CRTC1: variants seen among roughly 807,000 people sequenced by gnomAD.
CRTC1 encodes CREB regulated transcription coactivator 1.
In CRTC1, 18 loss-of-function variants were observed where a neutral mutation model predicts 66.1. That is an observed-to-expected ratio of 0.27 (90% confidence interval 0.19 to 0.40). The LOEUF is 0.40. Among genes scored for constraint, CRTC1 ranks in the 10% least tolerant of loss-of-function variants. CRTC1 has a pLI of 1.00. For synonymous variants in CRTC1, 416 were observed against 398.8 expected, an observed-to-expected ratio of 1.04 and a Z score of -0.51; for missense variants, 669 against 887.9, an observed-to-expected ratio of 0.75 and a Z score of 3.13.
At chr19:18,685,039 A>T (rs1341020851) in intron 1 of CRTC1, among the ~76,000 whole-genome samples, 1 of 152,132 alleles carries the variant, frequency 6.6e-6, no homozygotes, top group African/African-American at 2.4e-5. Context: ...GGCTTTGCAG[A>T]TGCTCGTATC....
chr19:18,775,847 G>A (rs1253610264), intron 13 of CRTC1, 26 bp downstream of exon 13: 1 of 1,541,032 alleles, frequency 6.5e-7, no homozygotes, highest in Admixed American at 2.1e-5. Flanking sequence ...GGGCGCGTGT[G>A]CGGCGCCCCA....
At chr19:18,717,157 G>A (rs1350539177) in intron 1 of CRTC1, among the ~76,000 whole-genome samples, 5 of 152,190 alleles carry the variant, frequency 3.3e-5, no homozygotes, top group East Asian at 1.9e-4. Context: ...GGTGACTGGC[G>A]CTGGGCTGGA....
At chr19:18,774,174 C>T (rs879733217) in intron 11 of CRTC1, among the ~76,000 whole-genome samples, 5 of 152,266 alleles carry the variant, frequency 3.3e-5, no homozygotes, top group Non-Finnish European at 5.9e-5. Context: ...ACCCCCTCCT[C>T]GCCTCCACAC....
At chr19:18,731,543 C>T (rs1352018395) in intron 1 of CRTC1, among the ~76,000 whole-genome samples, 2 of 152,164 alleles carry the variant, frequency 1.3e-5, no homozygotes, top group African/African-American at 4.8e-5. Context: ...GGTCACGTTC[C>T]GAGGTTTTGG....
chr19:18,773,538 A>ACACCCAC (rs2054917463), intron 11 of CRTC1, among the ~76,000 whole-genome samples: 1 of 151,974 alleles, frequency 6.6e-6, no homozygotes, highest in Non-Finnish European at 1.5e-5. Flanking sequence ...CCACACCCCG[A>ACACCCAC]GCCCCAGGAC....
At chr19:18,708,582 A>G (rs552741084) in intron 1 of CRTC1, among the ~76,000 whole-genome samples, 2 of 152,274 alleles carry the variant, frequency 1.3e-5, no homozygotes, top group South Asian at 4.1e-4. Context: ...GGGGCATCAC[A>G]GGGAATGTTC....
At chr19:18,731,707 C>T (rs966133167) in intron 1 of CRTC1, among the ~76,000 whole-genome samples, 1 of 152,090 alleles carries the variant, frequency 6.6e-6, no homozygotes. Context: ...GTCCCCAGCC[C>T]GTGAACCCCA....
intron 1 of CRTC1, among the ~76,000 whole-genome samples, chr19:18,722,637 C>T (rs116417399): frequency 6.6e-6 from 1 of 152,346 alleles, no homozygotes; most frequent in African/African-American, 2.4e-5. Context: ...GTTCACATAA[C>T]ATGAAATTAA....
chr19:18,739,858 T>A (rs2054074350), intron 1 of CRTC1, among the ~76,000 whole-genome samples: 1 of 151,472 alleles, frequency 6.6e-6, no homozygotes, highest in African/African-American at 2.4e-5. Flanking sequence ...GACTCAGGAG[T>A]CTCCGTGCCC....
At position 18,778,120 on chromosome 19, in the gene CRTC1, C is replaced by T; in HGVS notation, c.*738C>T. 4.3e-6 allele frequency: 1 copy of T among 232,762 alleles called. No homozygotes were observed. The highest frequency in any genetic ancestry group is 8.5e-6 in the Non-Finnish European group (1 of 117,790). The allele number at this position is 232,762 out of a possible 1,614,324, so 14.4% of individuals were successfully genotyped here. A position where few individuals can be genotyped will look rare whatever the true frequency, so the allele number is the denominator to read the frequency against. The stretch of plus-strand genomic sequence containing the variant: ...GCAGGCCCATCGGTGGCCACCTTTG[C>T]CGGGAAGTGACCGGAAGGCCCCGTG... On this transcript the variant is annotated 3_prime_UTR_variant, in exon 14 of 14. Coordinates refer to ENST00000321949, the MANE Select transcript of CRTC1 (RefSeq NM_015321.3).
rs932467477 is a variant in CRTC1 at position 18,760,729 on chromosome 19, G to A, written c.886+501G>A. On this transcript the variant is annotated intron_variant, in intron 8 of 13. Coordinates refer to ENST00000321949, the MANE Select transcript of CRTC1 (RefSeq NM_015321.3). This position sits in a 1 kb window ranked among gnomAD's most constrained non-coding sequence, Gnocchi z 6.2. ...CACAGGGACGTCGCACAGGCCCCTCGCCCGTCCCAATAGCTCCTGGCGCTG... is the reference window on the plus strand; with the variant it reads ...CACAGGGACGTCGCACAGGCCCCTCACCCGTCCCAATAGCTCCTGGCGCTG... 5.3e-5 allele frequency among the ~76,000 whole-genome samples: 8 copies of A among 151,380 alleles called. No individual in the cohort carries two copies. The highest frequency in any genetic ancestry group is 3.3e-4 in the Admixed American group (5 of 15,216).
intron 1 of CRTC1, among the ~76,000 whole-genome samples, chr19:18,736,805 G>A (rs945283831): frequency 3.9e-5 from 6 of 152,092 alleles, no homozygotes; most frequent in Non-Finnish European, 7.4e-5. Flanking sequence ...TTGCAGGGCC[G>A]AGCTCAGCCA....
intron 1 of CRTC1, among the ~76,000 whole-genome samples, chr19:18,719,445 G>A (rs2053574263): frequency 6.6e-6 from 1 of 152,206 alleles, no homozygotes; most frequent in Non-Finnish European, 1.5e-5. Flanking sequence ...GGTGGGCCCC[G>A]GCAGGCCCAG....
At chr19:18,756,944 C>T (rs1416171315) in intron 6 of CRTC1, among the ~76,000 whole-genome samples, 1 of 152,198 alleles carries the variant, frequency 6.6e-6, no homozygotes, top group African/African-American at 2.4e-5. Context: ...ATGAAGGAGG[C>T]TCTGGCCAAG....
chr19:18,694,762 G>C (rs76414499), intron 1 of CRTC1, among the ~76,000 whole-genome samples: 3,068 of 152,206 alleles, frequency 0.02, 100 homozygotes, highest in African/African-American at 0.071. Flanking sequence ...GAAGGGATTG[G>C]CTGGCCTCTG....
chr19:18,722,896 G>A (rs769397274), intron 1 of CRTC1, among the ~76,000 whole-genome samples: 2 of 151,872 alleles, frequency 1.3e-5, no homozygotes, highest in Non-Finnish European at 2.9e-5. Flanking sequence ...CTGTCACTCA[G>A]CATCGTGTTT....
intron 1 of CRTC1, among the ~76,000 whole-genome samples, chr19:18,723,477 G>T (rs539836231): frequency 1.3e-5 from 2 of 152,312 alleles, no homozygotes; most frequent in South Asian, 4.1e-4. Flanking sequence ...AGGGATGAAG[G>T]GTGGGTGTCT....
intron 1 of CRTC1, among the ~76,000 whole-genome samples, chr19:18,718,813 T>C (rs909496144): frequency 3.3e-5 from 5 of 151,800 alleles, no homozygotes; most frequent in Admixed American, 1.3e-4. Context: ...CGTCCAGGAG[T>C]GGGATTGCTT....
At chr19:18,746,013 C>T in intron 3 of CRTC1, 53 bp downstream of exon 3, 2 of 1,556,332 alleles carry the variant, frequency 1.3e-6, no homozygotes, top group Non-Finnish European at 1.7e-6. Context: ...TCGGTGCCGG[C>T]AGGACCCCAA....
Sources: allele counts gnomAD v4.1 joint callset (sites outside exome capture counted in the v4.1 genomes callset), GRCh38; gene constraint gnomAD v4.1.1; non-coding constraint Gnocchi (gnomAD v3.1); transcripts MANE v1.5; gene names NCBI Gene and HGNC (gene_info 2026-07-23, HGNC 2026-07-21).